Variants in GINM1 observed in about 807,000 individuals in gnomAD.
GINM1 encodes glycoprotein integral membrane protein 1.
In GINM1, 29 loss-of-function variants were observed where a neutral mutation model predicts 37.8. The ratio of observed to expected loss-of-function variants is 0.77; its 90% CI spans 0.57 to 1.05. The LOEUF (loss-of-function observed/expected upper bound fraction) is 1.05, where lower values mean the gene tolerates loss of function less well. GINM1 is among the 50% of genes least tolerant of loss of function. The probability of loss-of-function intolerance (pLI) is 0.00; values close to 1 mark genes in which losing one functional copy is unlikely to be tolerated. For synonymous variants in GINM1, 143 were observed against 146.2 expected (o/e 0.98, Z 0.16); for missense variants, 377 against 397.9 (o/e 0.95, Z 0.45).
Position 149,579,939 on chromosome 6 carries a change from A to G in GINM1, c.535A>G (p.Ile179Val), listed in dbSNP as rs564649407. 5.6e-6 allele frequency: 9 copies of G among 1,610,754 alleles called. No individual in the cohort carries two copies. Among genetic ancestry groups the G allele is most frequent in the African/African-American group, 5.3e-5 (4 of 74,828 alleles). The change falls in exon 5 of 8, where the codon ATT becomes GTT. Residue 179 changes from isoleucine to valine, a missense_variant. Coordinates refer to ENST00000367419, the MANE Select transcript of GINM1 (RefSeq NM_138785.5). Reference protein sequence around the residue: ...LPLEESMLYSISRDSDILFTL... With the variant: ...LPLEESMLYSVSRDSDILFTL... ...TTTGGAAGAAAGCATGCTCTACTCT[A>G]TTTCTCGAGACAGTGACATTTTATT...
intron 7 of GINM1, among the ~76,000 whole-genome samples, chr6:149,588,615 CT>C (rs1234746073): frequency 6.6e-6 from 1 of 151,902 alleles, no homozygotes; most frequent in Non-Finnish European, 1.5e-5. Context: ...AATTATGGGG[CT>C]TTTTTTGTTT....
Position 149,570,143 on chromosome 6 carries a change from TATATATATATATATATATA to T in GINM1, c.121-2141_121-2123del, listed in dbSNP as rs1562269782. ...AATTTTACTAGGTAGGTTTTATATATATATATATATATATATATATATATATATATATATATATATATAT... is the reference window on the plus strand; with the variant it reads ...AATTTTACTAGGTAGGTTTTATATATTATATATATATATATATATATATAT... On this transcript the variant is annotated intron_variant, in intron 1 of 7. Coordinates refer to ENST00000367419, the MANE Select transcript of GINM1 (RefSeq NM_138785.5). 5.9e-3 allele frequency among the ~76,000 whole-genome samples: 50 copies of T among 8,422 alleles called. 3 individuals carry two copies. The highest frequency in any genetic ancestry group is 8.2e-3 in the African/African-American group (48 of 5,872). The allele number at this position is 8,422 out of a possible 152,430, so 5.5% of individuals were successfully genotyped here.
At position 149,571,858 on chromosome 6, in the gene GINM1, G is replaced by A. The variant is rs775791279; in HGVS notation, c.121-427G>A. Among the ~76,000 whole-genome samples, 19 of 152,142 alleles carry A rather than the reference G, an allele frequency of 1.2e-4. 1 individual carries two copies. Among genetic ancestry groups the A allele is most frequent in the Non-Finnish European group, 1.9e-4 (13 of 68,010 alleles). On this transcript the variant is annotated intron_variant, in intron 1 of 7. Coordinates refer to ENST00000367419, the MANE Select transcript of GINM1 (RefSeq NM_138785.5). ...AGCACTTTGGGAGGCCGAGGAGGGC[G>A]GATCACGAGATCAGGAGTTCAAGAC...
In GINM1 at chr6:149,580,647, C is replaced by G; in HGVS notation, c.641C>G (p.Thr214Ser). ...CAGTATCTTATCAGGAATGTGGAAA[C>G]CACTGTAGATGAAGATGTTTTACCT... ...TSQYLIRNVE[T>S]TVDEDVLPGK... The change falls in exon 6 of 8, where the codon ACC (threonine) becomes AGC (serine). Residue 214 changes from threonine to serine, a missense_variant. Thr to Ser is a moderately conservative substitution (Grantham distance 58). Coordinates refer to ENST00000367419, the MANE Select transcript of GINM1 (RefSeq NM_138785.5). 1 of 1,613,644 alleles carries G rather than the reference C, an allele frequency of 6.2e-7. No homozygotes were observed. The highest frequency in any genetic ancestry group is 8.5e-7 in the Non-Finnish European group (1 of 1,179,600).
At chr6:149,579,457 A>G (rs1777964565) in intron 4 of GINM1, among the ~76,000 whole-genome samples, 1 of 152,166 alleles carries the variant, frequency 6.6e-6, no homozygotes, top group African/African-American at 2.4e-5. Flanking sequence ...TTGGGAGGCC[A>G]AGGTGGACGA....
chr6:149,585,383 C>G (rs769744118), intron 7 of GINM1, among the ~76,000 whole-genome samples: 9 of 151,934 alleles, frequency 5.9e-5, no homozygotes, highest in Non-Finnish European at 1.3e-4. Flanking sequence ...ATTTTTAATC[C>G]AAATTCTATG....
intron 1 of GINM1, among the ~76,000 whole-genome samples, chr6:149,570,802 A>G (rs1425372724): frequency 6.6e-6 from 1 of 152,254 alleles, no homozygotes; most frequent in Non-Finnish European, 1.5e-5. Context: ...CCAGAATAAC[A>G]ATGTCTATTT....
chr6:149,582,171 ATAAT>A, intron 6 of GINM1: 1 of 535,844 alleles, frequency 1.9e-6, no homozygotes, highest in African/African-American at 1.9e-5. Context: ...AACAATATAA[ATAAT>A]TTTACAGGCT....
chr6:149,574,745 G>C (rs1471064892), intron 3 of GINM1, among the ~76,000 whole-genome samples: 3 of 152,112 alleles, frequency 2.0e-5, no homozygotes, highest in Non-Finnish European at 4.4e-5. Context: ...GTGCAGGCTT[G>C]TTTTCCCAGC....
intron 6 of GINM1, among the ~76,000 whole-genome samples, chr6:149,581,025 G>A (rs564060678): frequency 7.9e-5 from 12 of 152,202 alleles, no homozygotes; most frequent in African/African-American, 2.4e-4. Flanking sequence ...CCGCTACCTC[G>A]CATACACACA....
At chr6:149,579,692 T>C in intron 4 of GINM1, 142 bp from the exon 5 acceptor site, 1 of 526,832 alleles carries the variant, frequency 1.9e-6, no homozygotes, top group East Asian at 3.3e-5. Flanking sequence ...CGAAACTCCA[T>C]CTCAAAAAAA....
At chr6:149,568,702 G>A (rs1777759616) in intron 1 of GINM1, among the ~76,000 whole-genome samples, 1 of 152,214 alleles carries the variant, frequency 6.6e-6, no homozygotes, top group Non-Finnish European at 1.5e-5. Context: ...TAAACTGGTT[G>A]AAGTCAGGAA....
intron 1 of GINM1, among the ~76,000 whole-genome samples, chr6:149,567,368 A>G (rs369148372): frequency 1.3e-5 from 2 of 152,198 alleles, no homozygotes; most frequent in African/African-American, 4.8e-5. Context: ...ACAAGAAACT[A>G]TGTCGGTACA....
rs112796877 is a variant in GINM1, at chr6:149,574,168, A to G, written c.277+1565A>G. Among the ~76,000 whole-genome samples the G allele has an allele frequency of 4.9e-4, 68 of 138,454 alleles. No homozygotes were observed. In the East Asian group the frequency reaches 0.013, roughly 27 times the overall value. The allele number at this position is 138,454 out of a possible 152,430, so 90.8% of individuals were successfully genotyped here. A position where few individuals can be genotyped will look rare whatever the true frequency, so the allele number is the denominator to read the frequency against. On this transcript the variant is annotated intron_variant, in intron 3 of 7. Transcript: ENST00000367419. ...TGGGTTCAAGTGATTCTCCTGCCTC[A>G]GCCTCCCGAGTAGCTTGGATTACAG...
chr6:149,589,517 C>T (rs1413224258), intron 7 of GINM1, among the ~76,000 whole-genome samples: 2 of 152,028 alleles, frequency 1.3e-5, no homozygotes, highest in Admixed American at 6.6e-5. Flanking sequence ...AGGTGATCCA[C>T]CCACCTCAGC....
rs578096353 is a variant in GINM1 at position 149,584,844 on chromosome 6, G to GAC, written c.881+2244_881+2245dup. 5.2e-3 allele frequency among the ~76,000 whole-genome samples: 789 copies of GAC among 151,154 alleles called. 7 individuals are homozygous for GAC. The highest frequency in any genetic ancestry group is 0.014 in the Middle Eastern group (4 of 286). On this transcript the variant is annotated intron_variant, in intron 7 of 7. Transcript: ENST00000367419. ...ATATATATAGAGAGAGAGAGAGAGA[G>GAC]ACACGGGGATCTTGCTATGTTGGCT...
rs185066028 is a variant in GINM1, at chr6:149,569,990, G to A, written c.121-2295G>A. Among the ~76,000 whole-genome samples, 269 of 151,764 alleles carry A rather than the reference G, an allele frequency of 1.8e-3. 2 individuals are homozygous for A. The highest frequency in any genetic ancestry group is 5.6e-3 in the African/African-American group (233 of 41,394). On this transcript the variant is annotated intron_variant, in intron 1 of 7. Transcript: ENST00000367419. ...CTGGCTCTGAACTCCTGGCCAGGGG[G>A]CAGTAAGGAGTGTGATTCCCTTTTG...
intron 6 of GINM1, chr6:149,582,145 T>C: frequency 2.0e-6 from 1 of 506,040 alleles, no homozygotes; most frequent in Non-Finnish European, 4.0e-6. Context: ...TATTTTCACT[T>C]GATTTGTAGT....
chr6:149,575,805 A>G (rs1011334195), intron 3 of GINM1, among the ~76,000 whole-genome samples: 1 of 152,172 alleles, frequency 6.6e-6, no homozygotes, highest in African/African-American at 2.4e-5. Context: ...TGTTGTATTC[A>G]CTGGGAATTG....
Sources: gnomAD v4.1 joint callset for allele counts (sites outside exome capture counted in the v4.1 genomes callset) on GRCh38, gnomAD v4.1.1 for gene constraint, MANE v1.5 for transcripts, NCBI Gene and HGNC (gene_info 2026-07-23, HGNC 2026-07-21) for gene names.